Variants in C1QB observed in about 807,000 individuals in gnomAD.
C1QB encodes the protein complement C1q B chain, also known as complement C1q subcomponent subunit B.
Under a neutral mutation model 4.6 loss-of-function variants are expected in C1QB, and 2 were observed. The observed-to-expected ratio is 0.43, with a 90% CI of 0.18 to 1.36. The LOEUF is 1.36. C1QB is among the 40% of genes most tolerant of loss of function. C1QB has a pLI of 0.28. For missense variants in C1QB, 292 were observed against 338.0 expected, an observed-to-expected ratio of 0.86 and a Z score of 1.07; for synonymous variants, 132 against 137.1, an observed-to-expected ratio of 0.96 and a Z score of 0.26.
chr1:22,657,023 C>T (rs1642540652), intron 1 of C1QB, among the ~76,000 whole-genome samples: 1 of 152,170 alleles, frequency 6.6e-6, no homozygotes, highest in Non-Finnish European at 1.5e-5. Context: ...CGAGGAACCT[C>T]CTCGTGTTCA....
intron 1 of C1QB, among the ~76,000 whole-genome samples, chr1:22,654,316 C>T (rs1642496439): frequency 6.6e-6 from 1 of 152,032 alleles, no homozygotes; most frequent in Non-Finnish European, 1.5e-5. Context: ...TTTCCCACTC[C>T]CCCTGCCCCT....
In C1QB at chr1:22,661,450, A is replaced by G; in HGVS notation, c.*64A>G. The stretch of plus-strand genomic sequence containing the variant: ...CAGCAACGCTCACTCTACCCCCAAC[A>G]CCACCCCTTGCCCAACCAATGCACA... On this transcript the variant is annotated 3_prime_UTR_variant, in exon 3 of 3. Coordinates refer to ENST00000509305, the MANE Select transcript of C1QB (RefSeq NM_001378156.1). 1.9e-6 allele frequency: 3 copies of G among 1,565,478 alleles called. No homozygotes were observed. The Admixed American group carries it at 5.1e-5, about 27-fold the overall frequency.
At chr1:22,655,052 G>A (rs971371594) in intron 1 of C1QB, among the ~76,000 whole-genome samples, 7 of 152,148 alleles carry the variant, frequency 4.6e-5, no homozygotes, top group South Asian at 2.1e-4. Flanking sequence ...CTCTGATCCC[G>A]TTGCCTCATC....
intron 2 of C1QB, 111 bp from the exon 3 acceptor site, chr1:22,660,701 A>T: frequency 1.8e-6 from 2 of 1,108,910 alleles, no homozygotes; most frequent in Non-Finnish European, 2.7e-6. Flanking sequence ...CCTTCGTTTT[A>T]CAGATGGGAG....
chr1:22,655,630 T>C (rs1171595653), intron 1 of C1QB, among the ~76,000 whole-genome samples: 1 of 152,142 alleles, frequency 6.6e-6, no homozygotes, highest in Non-Finnish European at 1.5e-5. Flanking sequence ...AGTTTCCTCA[T>C]CTGCAAGATG....
intron 1 of C1QB, among the ~76,000 whole-genome samples, chr1:22,656,638 T>C (rs1252465531): frequency 6.6e-6 from 1 of 152,170 alleles, no homozygotes; most frequent in African/African-American, 2.4e-5. Flanking sequence ...TGTGACCAAA[T>C]GTGGGGGGTT....
Position 22,661,503 on chromosome 1 carries a change from T to G in C1QB, c.*117T>G. 1 of 1,215,844 alleles carries G rather than the reference T, an allele frequency of 8.2e-7. No individual in the cohort carries two copies. Among genetic ancestry groups the G allele is most frequent in the Non-Finnish European group, 1.2e-6 (1 of 837,642 alleles). 75.3% of individuals were successfully genotyped at this position (1,215,844 alleles called of 1,614,324 possible). On this transcript the variant is annotated 3_prime_UTR_variant, in exon 3 of 3. Transcript: ENST00000509305. ...GTAGGGCTTGGTGAATGCTGCTGAGTGAATGAGTAAATAAACTCTTCAAGG... is the reference window on the plus strand; with the variant it reads ...GTAGGGCTTGGTGAATGCTGCTGAGGGAATGAGTAAATAAACTCTTCAAGG...
chr1:22,659,055 ATGGATG>A (rs1642574365), intron 1 of C1QB, among the ~76,000 whole-genome samples: 1 of 148,784 alleles, frequency 6.7e-6, no homozygotes, highest in East Asian at 2.0e-4. Flanking sequence ...GGATGGATGG[ATGGATG>A]GATGGATGGA....
chr1:22,660,560 C>T (rs1037698846), intron 2 of C1QB, among the ~76,000 whole-genome samples: 6 of 152,084 alleles, frequency 3.9e-5, no homozygotes, highest in African/African-American at 1.4e-4. Context: ...GGAGGAGGGC[C>T]GGCCTAGCAC....
At chr1:22,653,715 C>A (rs1217834762) in intron 1 of C1QB, among the ~76,000 whole-genome samples, 2 of 152,196 alleles carry the variant, frequency 1.3e-5, no homozygotes, top group Non-Finnish European at 2.9e-5. Context: ...TTAGTGCATG[C>A]CCTGGCTCAA....
At position 22,655,872 on chromosome 1, in the gene C1QB, G is replaced by A. The variant is rs934321890; in HGVS notation, c.-24+2569G>A. Among the ~76,000 whole-genome samples the A allele has an allele frequency of 2.0e-5, 3 of 152,312 alleles. No homozygotes were observed. In the East Asian group the frequency reaches 5.8e-4, roughly 29 times the overall value. On this transcript the variant is annotated intron_variant, in intron 1 of 2. Transcript: ENST00000509305. ...TCAGCCTCTGAGGAAAGGTTTCCTG[G>A]AGGAAGAAGGCTTTGACCCAAGCTT...
chr1:22,661,079 A>G lies in C1QB; in HGVS notation c.449A>G (p.Asn150Ser), dbSNP rs1445020486. The G allele has an allele frequency of 6.2e-7, 1 of 1,614,002 alleles. No individual in the cohort carries two copies. The highest frequency in any genetic ancestry group is 8.5e-7 in the Non-Finnish European group (1 of 1,179,966). Residue 150 changes from asparagine to serine, a missense_variant, in exon 3 of 3, where the codon AAT (asparagine) becomes AGT (serine). Transcript: ENST00000509305. ...FDHVITNMNNNYEPRSGKFTC... is the reference protein window; with the variant it reads ...FDHVITNMNNSYEPRSGKFTC... ...CACGTGATCACCAACATGAACAACA[A>G]TTATGAGCCCCGCAGTGGCAAGTTC...
intron 1 of C1QB, among the ~76,000 whole-genome samples, chr1:22,655,673 T>C (rs1642518890): frequency 6.6e-6 from 1 of 152,172 alleles, no homozygotes; most frequent in Non-Finnish European, 1.5e-5. Context: ...CCCCAGGGTG[T>C]TGAGAGGATC....
rs750922119 is a variant in C1QB at position 22,659,566 on chromosome 1, T to C, written c.104T>C (p.Ile35Thr). 1.2e-6 allele frequency: 2 copies of C among 1,613,974 alleles called. No homozygotes were observed. The highest frequency in any genetic ancestry group is 2.2e-5 in the East Asian group (1 of 44,868). Residue 35 changes from isoleucine (I) to threonine (T), a missense_variant, in exon 2 of 3, where the codon ATC becomes ACC. Transcript: ENST00000509305. Reference protein sequence around the residue: ...AQLSCTGPPAIPGIPGIPGTP... With the variant: ...AQLSCTGPPATPGIPGIPGTP... ...CTCAGCTGCACCGGGCCCCCAGCCA[T>C]CCCTGGCATCCCGGGTATCCCTGGG...
intron 2 of C1QB, among the ~76,000 whole-genome samples, chr1:22,660,520 T>G (rs1420052018): frequency 6.6e-6 from 1 of 151,868 alleles, no homozygotes; most frequent in East Asian, 1.9e-4. Flanking sequence ...ATCCCTGCTC[T>G]AGCTGAAGAA....
intron 1 of C1QB, among the ~76,000 whole-genome samples, chr1:22,656,516 C>A (rs1642533316): frequency 6.6e-6 from 1 of 151,970 alleles, no homozygotes; most frequent in Non-Finnish European, 1.5e-5. Context: ...TCAAAAAAAA[C>A]CAAAAACCCC....
Position 22,661,079 on chromosome 1 carries a change from A to T in C1QB, c.449A>T (p.Asn150Ile). The change falls in exon 3 of 3, where the codon AAT (asparagine) becomes ATT (isoleucine). Residue 150 changes from asparagine to isoleucine, a missense_variant. Transcript: ENST00000509305. ...FDHVITNMNNNYEPRSGKFTC... is the reference protein window; with the variant it reads ...FDHVITNMNNIYEPRSGKFTC... ...CACGTGATCACCAACATGAACAACA[A>T]TTATGAGCCCCGCAGTGGCAAGTTC... is the stretch of plus-strand genomic sequence containing the variant. The T allele has an allele frequency of 1.2e-6, 2 of 1,614,002 alleles. No homozygotes were observed. The highest frequency in any genetic ancestry group is 1.7e-6 in the Non-Finnish European group (2 of 1,179,966).
chr1:22,656,176 G>T (rs1642529394), intron 1 of C1QB, among the ~76,000 whole-genome samples: 1 of 152,174 alleles, frequency 6.6e-6, no homozygotes, highest in South Asian at 2.1e-4. Flanking sequence ...CTTGGCAGAG[G>T]TGTCATTGAG....
At chr1:22,660,790 T>C (rs1023296182) in intron 2 of C1QB, 22 bp from the exon 3 acceptor site, 1 of 1,613,236 alleles carries the variant, frequency 6.2e-7, no homozygotes, top group Admixed American at 1.7e-5. Flanking sequence ...TGATCTCACT[T>C]CTTTGGTCTC....
Sources: gnomAD v4.1 joint callset for allele counts (sites outside exome capture counted in the v4.1 genomes callset) on GRCh38, gnomAD v4.1.1 for gene constraint, MANE v1.5 for transcripts, NCBI Gene and HGNC (gene_info 2026-07-23, HGNC 2026-07-21) for gene names.